The following PPME1 variants were observed in gnomAD, a reference collection of about 807,000 sequenced individuals.
PPME1 encodes protein phosphatase methylesterase 1, also known as testicular secretory protein Li 39.
Under a neutral mutation model 56.9 loss-of-function variants are expected in PPME1, and 17 were observed. The ratio of observed to expected loss-of-function variants is 0.30; its 90% confidence interval spans 0.20 to 0.45. PPME1 has a LOEUF of 0.45. Ranked by LOEUF, PPME1 falls within the 20% of genes least tolerant of loss-of-function variation. The pLI is 1.00. For synonymous variants in PPME1, 122 were observed against 156.2 expected (o/e 0.78, Z 1.63); for missense variants, 357 against 483.2 (o/e 0.74, Z 2.45).
In PPME1 at chr11:74,242,161, G is replaced by A. The variant is rs181319135; in HGVS notation, c.834+2905G>A. Among the ~76,000 whole-genome samples, 8 of 152,288 alleles carry A rather than the reference G, an allele frequency of 5.3e-5. No homozygotes were observed. In the East Asian group the frequency reaches 1.3e-3, roughly 26 times the overall value. On this transcript the variant is annotated intron_variant, in intron 9 of 13. Coordinates refer to ENST00000328257, the MANE Select transcript of PPME1 (RefSeq NM_016147.3). ...AATGTTTGTGTATGATATCAGGAAT[G>A]GAACCAACTTCATTCTTTTGCATGT...
Position 74,222,386 on chromosome 11 carries a change from A to ACT in PPME1, c.346+17_346+18insCT. On this transcript the variant is annotated intron_variant, in intron 4 of 13. Coordinates refer to ENST00000328257, the MANE Select transcript of PPME1 (RefSeq NM_016147.3). ...GAAGTCATGGTGAGTAAAGTTCTTA[A>ACT]TTAGCCATTAACTGGATTATAGTCA... 6.3e-7 allele frequency: 1 copy of ACT among 1,581,736 alleles called. No homozygotes were observed. Among genetic ancestry groups the ACT allele is most frequent in the South Asian group, 1.1e-5 (1 of 90,412 alleles).
At chr11:74,233,206 G>T (rs574097661) in intron 7 of PPME1, among the ~76,000 whole-genome samples, 1 of 152,132 alleles carries the variant, frequency 6.6e-6, no homozygotes, top group South Asian at 2.1e-4. Context: ...TGGGTATCAT[G>T]GTAGGCCTTC....
intron 9 of PPME1, among the ~76,000 whole-genome samples, chr11:74,239,802 A>G (rs1442428598): frequency 6.6e-6 from 1 of 151,428 alleles, no homozygotes; most frequent in Admixed American, 6.6e-5. Context: ...GGATGGTCTC[A>G]ATCTCCTGAC....
intron 1 of PPME1, among the ~76,000 whole-genome samples, chr11:74,182,500 C>T (rs932161370): frequency 6.6e-6 from 1 of 151,946 alleles, no homozygotes; most frequent in Admixed American, 6.6e-5. Flanking sequence ...GCTGGGTTTA[C>T]AGGTGTGTGC....
In PPME1 at chr11:74,239,159, G is replaced by T. The variant is rs1859280574; in HGVS notation, c.737G>T (p.Gly246Val). Reference protein sequence around the residue: ...KQCEGITSPEGSKSIVEGIIE... With the variant: ...KQCEGITSPEVSKSIVEGIIE... ...TGTGAAGGAATTACAAGTCCAGAAG[G>T]CTCAAAATCTATAGTGGAAGGAATC... Residue 246 changes from glycine (G) to valine (V), a missense_variant, in exon 9 of 14, where the codon GGC becomes GTC. This residue lies in a region of PPME1 where 182 missense variants were observed against 293.8 expected (regional missense o/e 0.62). Transcript: ENST00000328257. 5 of 1,613,522 alleles carry T rather than the reference G, an allele frequency of 3.1e-6. No individual in the cohort carries two copies. The South Asian group carries it at 5.5e-5, about 18-fold the overall frequency.
chr11:74,178,045 A>G (rs1780819264), intron 1 of PPME1, among the ~76,000 whole-genome samples: 2 of 152,206 alleles, frequency 1.3e-5, no homozygotes, highest in Non-Finnish European at 2.9e-5. Flanking sequence ...TTAAACTACA[A>G]GGACATTTAT....
chr11:74,243,496 G>A (rs1412539749), intron 9 of PPME1: 2 of 152,164 alleles, frequency 1.3e-5, no homozygotes, highest in South Asian at 2.1e-4. Flanking sequence ...GGCTCATAGT[G>A]TTGTGGGGAA....
chr11:74,227,287 G>C (rs61132076), intron 5 of PPME1, among the ~76,000 whole-genome samples: 15,804 of 152,140 alleles, frequency 0.1, 2,146 homozygotes, highest in African/African-American at 0.32. Context: ...TTTTTGTAGA[G>C]TAGGCAATGA....
intron 8 of PPME1, 174 bp downstream of exon 8, chr11:74,236,140 C>G (rs539285208): frequency 8.5e-5 from 90 of 1,058,256 alleles, no homozygotes; most frequent in Non-Finnish European, 1.1e-4. Context: ...TTTCGCCTGC[C>G]TTCCTTTCTC....
At chr11:74,179,234 C>T (rs966690201) in intron 1 of PPME1, among the ~76,000 whole-genome samples, 2 of 152,188 alleles carry the variant, frequency 1.3e-5, no homozygotes, top group Non-Finnish European at 1.5e-5. Context: ...CTTCCTGGGC[C>T]TCGTTATCAT....
chr11:74,218,043 C>T (rs1427355459), intron 3 of PPME1, among the ~76,000 whole-genome samples: 1 of 152,002 alleles, frequency 6.6e-6, no homozygotes, highest in Non-Finnish European at 1.5e-5. Flanking sequence ...AAGACTCCAC[C>T]AAAAAACTGT....
At chr11:74,172,060 C>G (rs1345088549) in intron 1 of PPME1, among the ~76,000 whole-genome samples, 1 of 152,138 alleles carries the variant, frequency 6.6e-6, no homozygotes, top group East Asian at 1.9e-4. Context: ...AACTAGGAAG[C>G]AGACGATTCT....
chr11:74,230,111 GT>G lies in PPME1; in HGVS notation c.399-131del, dbSNP rs1859028824. On this transcript the variant is annotated intron_variant, in intron 5 of 13. Transcript: ENST00000328257. This position sits in a 1 kb window ranked among gnomAD's most constrained non-coding sequence, Gnocchi z 4.9. ...CATGTTAGAAGGTTTACATAGGTAT[GT>G]TTGTAAGATGGCCCAATAGACTTTT... 4.3e-6 allele frequency: 4 copies of G among 924,208 alleles called. No individual in the cohort carries two copies. Among genetic ancestry groups the G allele is most frequent in the Non-Finnish European group, 4.8e-6 (3 of 619,198 alleles). 57.3% of individuals were successfully genotyped at this position (924,208 alleles called of 1,614,324 possible). A position where few individuals can be genotyped will look rare whatever the true frequency, so the allele number is the denominator to read the frequency against.
At chr11:74,211,826 CAGA>C (rs779912356) in intron 3 of PPME1, among the ~76,000 whole-genome samples, 28 of 151,972 alleles carry the variant, frequency 1.8e-4, no homozygotes, top group Non-Finnish European at 8.8e-5. Context: ...TGTTAGTTGA[CAGA>C]AGAAGAAATA....
intron 1 of PPME1, among the ~76,000 whole-genome samples, chr11:74,178,886 G>T (rs757865827): frequency 4.0e-5 from 6 of 151,698 alleles, no homozygotes; most frequent in Non-Finnish European, 8.8e-5. Context: ...GTTTGGGAAA[G>T]ACTGTTTCCT....
At chr11:74,185,623 A>G (rs1355188932) in intron 1 of PPME1, among the ~76,000 whole-genome samples, 1 of 148,448 alleles carries the variant, frequency 6.7e-6, no homozygotes, top group African/African-American at 2.5e-5. Flanking sequence ...TTGAGGCCAG[A>G]TCATTTTAGA....
intron 1 of PPME1, among the ~76,000 whole-genome samples, chr11:74,201,700 C>T (rs547295639): frequency 8.9e-4 from 135 of 152,290 alleles, no homozygotes; most frequent in African/African-American, 3.1e-3. Context: ...AATGGAATCA[C>T]GTCTGTGAAG....
intron 1 of PPME1, among the ~76,000 whole-genome samples, chr11:74,197,241 G>A (rs1413663341): frequency 6.6e-6 from 1 of 152,156 alleles, no homozygotes; most frequent in Non-Finnish European, 1.5e-5. Context: ...AATATTTATT[G>A]AGAAACCCAG....
chr11:74,209,096 G>T (rs1033071730), intron 3 of PPME1, among the ~76,000 whole-genome samples: 8 of 151,798 alleles, frequency 5.3e-5, no homozygotes, highest in African/African-American at 1.9e-4. Flanking sequence ...AGTAGAGGGG[G>T]CTATTTTTGT....
Sources: allele counts gnomAD v4.1 joint callset (sites outside exome capture counted in the v4.1 genomes callset), GRCh38; gene constraint gnomAD v4.1.1; regional missense constraint gnomAD v4.1.1; non-coding constraint Gnocchi (gnomAD v3.1); transcripts MANE v1.5; gene names NCBI Gene and HGNC (gene_info 2026-07-23, HGNC 2026-07-21).